VIL1: variants seen among roughly 807,000 people sequenced by gnomAD.
VIL1 encodes villin-1.
In VIL1, 86 loss-of-function variants were observed where a neutral mutation model predicts 104.0. The observed-to-expected ratio is 0.83, with a 90% CI of 0.69 to 0.99. VIL1 has a LOEUF of 0.99. Ranked by LOEUF, VIL1 falls within the 50% of genes least tolerant of loss-of-function variation. The probability of loss-of-function intolerance (pLI) is 0.00; values close to 1 mark genes in which losing one functional copy is unlikely to be tolerated. For synonymous variants in VIL1, 394 were observed against 412.6 expected, an observed-to-expected ratio of 0.95 and a Z score of 0.55; for missense variants, 944 against 1,054.1, an observed-to-expected ratio of 0.90 and a Z score of 1.45.
chr2:218,423,261 G>T (rs979440020), intron 1 of VIL1, among the ~76,000 whole-genome samples: 2 of 152,204 alleles, frequency 1.3e-5, no homozygotes, highest in Admixed American at 6.5e-5. Context: ...CAGGCGTGGT[G>T]GCTCACGCCT....
Position 218,423,872 on chromosome 2 carries a change from A to T in VIL1, c.75+19A>T, listed in dbSNP as rs776220657. 1.9e-6 allele frequency: 3 copies of T among 1,613,952 alleles called. No homozygotes were observed. Among genetic ancestry groups the T allele is most frequent in the East Asian group, 4.5e-5 (2 of 44,874 alleles). Reference sequence around the variant, plus strand: ...GATCGAGGTGAGGCCCTGTCTGGGCATGGGGGCTGCTCAGGCCTGGGGTGG... The same window carrying T: ...GATCGAGGTGAGGCCCTGTCTGGGCTTGGGGGCTGCTCAGGCCTGGGGTGG... On this transcript the variant is annotated intron_variant, in intron 2 of 19. Coordinates refer to ENST00000248444, the MANE Select transcript of VIL1 (RefSeq NM_007127.3).
intron 2 of VIL1, 149 bp downstream of exon 2, chr2:218,424,002 ACCCCGGCTGGTCTCCCTTT>A: frequency 1.2e-6 from 1 of 861,098 alleles, no homozygotes; most frequent in South Asian, 1.7e-5. Flanking sequence ...CATCATCCAC[ACCCCGGCTGGTCTCCCTTT>A]CCCTTTCTCC....
chr2:218,428,271 C>A lies in VIL1; in HGVS notation c.501C>A (p.Leu167=). 6.2e-7 allele frequency: 1 copy of A among 1,614,168 alleles called. No homozygotes were observed. The highest frequency in any genetic ancestry group is 8.5e-7 in the Non-Finnish European group (1 of 1,180,036). Residue 167 remains leucine, a synonymous_variant, in exon 6 of 20, where the codon CTC becomes CTA. Coordinates refer to ENST00000248444, the MANE Select transcript of VIL1 (RefSeq NM_007127.3). ...WKSFNRGDVF[L]LDLGKLIIQW... is the part of the protein sequence containing the mutation. The stretch of plus-strand genomic sequence containing the variant: ...GTTTCAACCGAGGGGATGTTTTCCT[C>A]CTGGACCTTGGGAAGCTTATCATCC...
intron 19 of VIL1, among the ~76,000 whole-genome samples, chr2:218,448,164 G>A (rs1045375630): frequency 6.6e-6 from 1 of 152,110 alleles, no homozygotes; most frequent in African/African-American, 2.4e-5. Context: ...GGAGGCTGAG[G>A]TGGGAGGATT....
chr2:218,445,589 T>C (rs1470159358), intron 19 of VIL1, among the ~76,000 whole-genome samples: 1 of 151,902 alleles, frequency 6.6e-6, no homozygotes, highest in Non-Finnish European at 1.5e-5. Context: ...TCTATAGGTG[T>C]TTACTAAGAA....
intron 19 of VIL1, among the ~76,000 whole-genome samples, chr2:218,442,506 T>C (rs1392088349): frequency 6.6e-6 from 1 of 152,180 alleles, no homozygotes; most frequent in Non-Finnish European, 1.5e-5. Flanking sequence ...AAGATCTCAC[T>C]CTGTTGCCCA....
At chr2:218,437,717 C>A (rs898018976) in intron 17 of VIL1, among the ~76,000 whole-genome samples, 1 of 152,214 alleles carries the variant, frequency 6.6e-6, no homozygotes, top group South Asian at 2.1e-4. Flanking sequence ...ATCCTCCATG[C>A]CAGCTGAAAC....
At chr2:218,420,125 G>T (rs1484275017) in intron 1 of VIL1, among the ~76,000 whole-genome samples, 1 of 152,122 alleles carries the variant, frequency 6.6e-6, no homozygotes, top group Non-Finnish European at 1.5e-5. Context: ...GTACAACAGG[G>T]CTCAGATAAG....
At chr2:218,420,568 A>G (rs1688884970) in intron 1 of VIL1, among the ~76,000 whole-genome samples, 1 of 146,128 alleles carries the variant, frequency 6.8e-6, no homozygotes, top group Non-Finnish European at 1.5e-5. Flanking sequence ...TTTCAGCATC[A>G]TGAGTATTTG....
intron 19 of VIL1, among the ~76,000 whole-genome samples, chr2:218,444,025 G>A (rs183733769): frequency 6.6e-6 from 1 of 152,116 alleles, no homozygotes; most frequent in African/African-American, 2.4e-5. Context: ...GAGTGCAATG[G>A]TACAATCTCG....
At chr2:218,430,040 A>T (rs1420727435) in intron 9 of VIL1, 93 bp downstream of exon 9, 1 of 1,163,674 alleles carries the variant, frequency 8.6e-7, no homozygotes. Flanking sequence ...GCAGGCTCAG[A>T]CCAGGGCATA....
intron 18 of VIL1, among the ~76,000 whole-genome samples, chr2:218,439,662 T>TA (rs1247026845): frequency 2.0e-5 from 3 of 151,228 alleles, no homozygotes; most frequent in Admixed American, 6.6e-5. Context: ...TTACAAAAAA[T>TA]AAAAAACAGC....
At chr2:218,445,998 G>A (rs897327795) in intron 19 of VIL1, among the ~76,000 whole-genome samples, 7 of 152,132 alleles carry the variant, frequency 4.6e-5, no homozygotes, top group African/African-American at 7.2e-5. Flanking sequence ...TCATTCACAG[G>A]ATGACAGAAG....
In VIL1 at chr2:218,435,397, G is replaced by A; in HGVS notation, c.1789G>A (p.Ala597Thr). Residue 597 changes from alanine (A) to threonine (T), a missense_variant, in exon 15 of 20, where the codon GCC becomes ACC. Ala to Thr is a moderately conservative substitution (Grantham distance 58, BLOSUM62 0). Coordinates refer to ENST00000248444, the MANE Select transcript of VIL1 (RefSeq NM_007127.3). Reference sequence around the variant, plus strand: ...GCAGGAGCCAGCCAACTTCTGGATGGCCCTGGGTGGGAAGGCCCCCTATGC... The same window carrying A: ...GCAGGAGCCAGCCAACTTCTGGATGACCCTGGGTGGGAAGGCCCCCTATGC... Reference protein sequence around the residue: ...EGQEPANFWMALGGKAPYANT... With the variant: ...EGQEPANFWMTLGGKAPYANT... 6.2e-7 allele frequency: 1 copy of A among 1,614,130 alleles called. No homozygotes were observed. Among genetic ancestry groups the A allele is most frequent in the Non-Finnish European group, 8.5e-7 (1 of 1,179,980 alleles).
At chr2:218,429,809 A>G (rs756488964) in intron 8 of VIL1, 40 bp from the exon 9 acceptor site, 1 of 1,597,276 alleles carries the variant, frequency 6.3e-7, no homozygotes, top group East Asian at 2.2e-5. Context: ...CCAGTCCAGC[A>G]CCTCCAGCTC....
At chr2:218,430,983 G>T in intron 10 of VIL1, 105 bp downstream of exon 10, 1 of 1,440,130 alleles carries the variant, frequency 6.9e-7, no homozygotes, top group Non-Finnish European at 9.4e-7. Flanking sequence ...CATCTTCAAC[G>T]AAGACTTTTA....
In VIL1 at chr2:218,432,136, A is replaced by G; in HGVS notation, c.1294A>G (p.Thr432Ala). ...YGGDCYLLLY[T>A]YLIGEKQHYL... ...GGGCGACTGCTACCTGCTGCTCTAC[A>G]CCTACCTCATCGGCGAGAAGCAGCA... The change falls in exon 12 of 20, where the codon ACC (threonine) becomes GCC (alanine). Residue 432 changes from threonine (T) to alanine (A), a missense_variant. By Grantham distance (58) the Thr-to-Ala change is moderately conservative (BLOSUM62 0). Transcript: ENST00000248444. The G allele has an allele frequency of 6.2e-7, 1 of 1,613,850 alleles. No homozygotes were observed. The highest frequency in any genetic ancestry group is 1.1e-5 in the South Asian group (1 of 91,070).
chr2:218,449,002 C>A (rs2106399079), intron 19 of VIL1, among the ~76,000 whole-genome samples: 1 of 50,600 alleles, frequency 2.0e-5, no homozygotes, highest in Middle Eastern at 0.011. Context: ...AAGACATGGT[C>A]TGGAAAAAAA....
chr2:218,429,907 C>T lies in VIL1; in HGVS notation c.908C>T (p.Ala303Val). ...LKIYVWKGKK[A>V]NEQEKKGAMS... ...ATCTACGTGTGGAAAGGGAAGAAAG[C>T]CAATGAGCAGGAGAAGAAGGGAGCC... Residue 303 changes from alanine (A) to valine (V), a missense_variant, in exon 9 of 20, where the codon GCC (alanine) becomes GTC (valine). Transcript: ENST00000248444. 1 of 1,613,472 alleles carries T rather than the reference C, an allele frequency of 6.2e-7. No individual in the cohort carries two copies. The highest frequency in any genetic ancestry group is 8.5e-7 in the Non-Finnish European group (1 of 1,179,930).
Sources: allele counts gnomAD v4.1 joint callset (sites outside exome capture counted in the v4.1 genomes callset), GRCh38; gene constraint gnomAD v4.1.1; transcripts MANE v1.5; gene names NCBI Gene and HGNC (gene_info 2026-07-23, HGNC 2026-07-21).